Variants in TENM3 observed in about 807,000 individuals in gnomAD.
TENM3 encodes teneurin-3.
A neutral mutation model predicts 255.1 loss-of-function variants in TENM3; 63 were observed. The ratio of observed to expected loss-of-function variants is 0.25; its 90% confidence interval spans 0.20 to 0.30. The LOEUF (loss-of-function observed/expected upper bound fraction) is 0.30. Among genes scored for constraint, TENM3 ranks in the 10% least tolerant of loss-of-function variants. The pLI, the probability that TENM3 is intolerant of heterozygous loss-of-function variation, is 1.00. For synonymous variants in TENM3, 1,306 were observed against 1,322.3 expected, an observed-to-expected ratio of 0.99 and a Z score of 0.27; for missense variants, 2,929 against 3,461.1, an observed-to-expected ratio of 0.85 and a Z score of 3.86.
chr4:181,518,735 G>C, the TENM3 span, among the ~76,000 whole-genome samples: 1 of 152,060 alleles, frequency 6.6e-6, no homozygotes, highest in Non-Finnish European at 1.5e-5. Flanking sequence ...CCAGGGCTTG[G>C]TTTTTATAAC....
the TENM3 span, among the ~76,000 whole-genome samples, chr4:181,501,669 C>A: frequency 6.6e-6 from 1 of 152,178 alleles, no homozygotes; most frequent in African/African-American, 2.4e-5. Flanking sequence ...TGAGCCAACA[C>A]GCCCAGCCAG....
chr4:182,729,473 G>GAAA, intron 14 of TENM3, among the ~76,000 whole-genome samples: 1 of 151,460 alleles, frequency 6.6e-6, no homozygotes, highest in Non-Finnish European at 1.5e-5. Context: ...TTCAAAAGAA[G>GAAA]CAGTGAAAAG....
chr4:181,687,337 T>C, the TENM3 span, among the ~76,000 whole-genome samples: 1 of 152,200 alleles, frequency 6.6e-6, no homozygotes, highest in Admixed American at 6.5e-5. Flanking sequence ...GTTAGGTATA[T>C]AGTGATTTCC....
the TENM3 span, among the ~76,000 whole-genome samples, chr4:181,546,448 G>T: frequency 6.7e-6 from 1 of 150,270 alleles, no homozygotes; most frequent in Admixed American, 6.6e-5. Context: ...GAGCGCGGTG[G>T]CTCACGCCTG....
intron 8 of TENM3, 84 bp downstream of exon 8, chr4:182,679,960 T>G: frequency 8.1e-7 from 1 of 1,241,792 alleles, no homozygotes; most frequent in East Asian, 2.5e-5. Flanking sequence ...TGTACCAATT[T>G]GGGGTAATTC....
intron 3 of TENM3, among the ~76,000 whole-genome samples, chr4:182,441,945 T>C (rs1202788689): frequency 6.6e-6 from 1 of 152,000 alleles, no homozygotes; most frequent in Non-Finnish European, 1.5e-5. Flanking sequence ...TACAGACAAG[T>C]AGACAGGGAG....
chr4:182,438,098 T>C (rs1236649316), intron 3 of TENM3, among the ~76,000 whole-genome samples: 1 of 152,134 alleles, frequency 6.6e-6, no homozygotes, highest in Non-Finnish European at 1.5e-5. Flanking sequence ...CCCAGATAAC[T>C]TAAGAGTTAC....
chr4:181,730,863 C>A, the TENM3 span, among the ~76,000 whole-genome samples: 1 of 151,994 alleles, frequency 6.6e-6, no homozygotes, highest in African/African-American at 2.4e-5. Context: ...GCGACTCATG[C>A]TGTTTATATG....
the TENM3 span, among the ~76,000 whole-genome samples, chr4:181,882,126 C>T: frequency 9.7e-4 from 148 of 152,276 alleles, 2 homozygotes; most frequent in Non-Finnish European, 1.2e-3. Context: ...CCCCCCCGTT[C>T]GCCTGCAGAG....
chr4:182,155,750 T>G (rs1031496567), intron 1 of TENM3, among the ~76,000 whole-genome samples: 2 of 152,190 alleles, frequency 1.3e-5, no homozygotes, highest in Non-Finnish European at 2.9e-5. Context: ...TTTGAATTTA[T>G]TGCTAGTAAA....
intron 7 of TENM3, among the ~76,000 whole-genome samples, chr4:182,673,637 G>C (rs1397719543): frequency 6.6e-6 from 1 of 152,160 alleles, no homozygotes; most frequent in African/African-American, 2.4e-5. Context: ...GTTTATGCCA[G>C]ATTTCCTCTT....
chr4:181,950,190 CA>C, the TENM3 span, among the ~76,000 whole-genome samples: 7 of 152,110 alleles, frequency 4.6e-5, no homozygotes, highest in Non-Finnish European at 8.8e-5. Context: ...CATGCTGGCT[CA>C]AAAAGCTCCC....
chr4:181,528,216 C>T, the TENM3 span, among the ~76,000 whole-genome samples: 1 of 151,978 alleles, frequency 6.6e-6, no homozygotes, highest in Non-Finnish European at 1.5e-5. Flanking sequence ...GTATATACCC[C>T]ACCCAATATG....
rs965758571 is a variant in TENM3, at chr4:182,358,579, A to G, written c.511+11650A>G. ...TTGTAGATTGATTTTGTATCCTGAG[A>G]CTTTGCTGAGGTTGCTTATCAGCTT... On this transcript the variant is annotated intron_variant, in intron 3 of 27. Coordinates refer to ENST00000511685, the MANE Select transcript of TENM3 (RefSeq NM_001080477.4). Among the ~76,000 whole-genome samples the G allele has an allele frequency of 3.3e-5, 5 of 152,058 alleles. No homozygotes were observed. In the East Asian group the frequency reaches 7.7e-4, roughly 24 times the overall value.
intron 1 of TENM3, among the ~76,000 whole-genome samples, chr4:182,183,208 T>C (rs543906169): frequency 1.3e-5 from 2 of 152,276 alleles, no homozygotes; most frequent in East Asian, 1.9e-4. Context: ...TTATTTTGTT[T>C]CTTCTTATTA....
At chr4:182,113,176 A>C in the TENM3 span, among the ~76,000 whole-genome samples, 1 of 152,250 alleles carries the variant, frequency 6.6e-6, no homozygotes, top group Non-Finnish European at 1.5e-5. Context: ...TTTATCTGGA[A>C]GTGACTTGTG....
At chr4:181,466,226 T>C in the TENM3 span, among the ~76,000 whole-genome samples, 5 of 151,852 alleles carry the variant, frequency 3.3e-5, no homozygotes, top group Non-Finnish European at 7.4e-5. Context: ...CAAGTGATTC[T>C]CCTGCCTCAG....
the TENM3 span, among the ~76,000 whole-genome samples, chr4:182,000,358 C>T: frequency 6.6e-6 from 1 of 151,948 alleles, no homozygotes; most frequent in Admixed American, 6.6e-5. Flanking sequence ...CCTTGATCAC[C>T]ACAGCCCTTC....
At chr4:181,673,313 CT>C in the TENM3 span, among the ~76,000 whole-genome samples, 2 of 152,046 alleles carry the variant, frequency 1.3e-5, no homozygotes, top group Non-Finnish European at 1.5e-5. Context: ...AGTCCATGGA[CT>C]TTTTTCTGTT....
Sources: allele counts gnomAD v4.1 joint callset (sites outside exome capture counted in the v4.1 genomes callset), GRCh38; gene constraint gnomAD v4.1.1; transcripts MANE v1.5; gene names NCBI Gene and HGNC (gene_info 2026-07-23, HGNC 2026-07-21).